MIER1: variants seen among roughly 807,000 people sequenced by gnomAD.
MIER1 encodes mesoderm induction early response protein 1.
MIER1 carries 40 observed loss-of-function variants against 75.7 expected under a neutral mutation model. The observed-to-expected ratio is 0.53, with a 90% CI of 0.41 to 0.69. The LOEUF is 0.69. Ranked by LOEUF, MIER1 falls within the 30% of genes least tolerant of loss-of-function variation. The pLI, the probability that MIER1 is intolerant of heterozygous loss-of-function variation, is 0.00. For missense variants in MIER1, 574 were observed against 680.2 expected (o/e 0.84, Z 1.74); for synonymous variants, 213 against 223.4 (o/e 0.95, Z 0.42).
At chr1:66,933,980 A>C (rs189356254) in intron 2 of MIER1, among the ~76,000 whole-genome samples, 77 of 152,310 alleles carry the variant, frequency 5.1e-4, no homozygotes, top group Non-Finnish European at 8.5e-4. Context: ...TTCAAAATTC[A>C]TTGCAGTGAT....
chr1:66,936,771 C>T (rs192409742), intron 2 of MIER1, among the ~76,000 whole-genome samples: 94 of 151,644 alleles, frequency 6.2e-4, no homozygotes, highest in African/African-American at 2.1e-3. Flanking sequence ...GAGGCTGAGG[C>T]GGACGGATCA....
chr1:66,930,338 G>A, intron 2 of MIER1: 2 of 1,604,580 alleles, frequency 1.2e-6, no homozygotes, highest in Middle Eastern at 1.7e-4. Context: ...TCCGGGTTCT[G>A]GCCGTGACCC....
At chr1:66,960,955 T>C (rs374063302) in intron 7 of MIER1, among the ~76,000 whole-genome samples, 1 of 152,304 alleles carries the variant, frequency 6.6e-6, no homozygotes, top group East Asian at 1.9e-4. Flanking sequence ...TGTTGTTTTT[T>C]AATCTGGAGT....
At chr1:66,925,738 C>CA (rs1651556812) in intron 1 of MIER1, among the ~76,000 whole-genome samples, 1 of 152,224 alleles carries the variant, frequency 6.6e-6, no homozygotes, top group Non-Finnish European at 1.5e-5. Flanking sequence ...GTGGTCCCTG[C>CA]ATGCTGTGTA....
chr1:66,927,180 T>C (rs1200239166), intron 2 of MIER1, among the ~76,000 whole-genome samples: 1 of 152,174 alleles, frequency 6.6e-6, no homozygotes, highest in Non-Finnish European at 1.5e-5. Context: ...TGCTTACAAA[T>C]GATTTATCAA....
At chr1:66,925,408 C>T in intron 1 of MIER1, 2 of 985,470 alleles carry the variant, frequency 2.0e-6, no homozygotes, top group Non-Finnish European at 1.2e-6. Context: ...CCGTTCGCTT[C>T]GGTCCCTGAT....
chr1:66,925,154 T>G, intron 1 of MIER1, 59 bp downstream of exon 1: 1 of 1,529,426 alleles, frequency 6.5e-7, no homozygotes, highest in East Asian at 2.5e-5. Context: ...GATGAGGGGC[T>G]CCTGAGGTGT....
chr1:66,932,525 A>C (rs1439967274), intron 2 of MIER1: 1 of 152,228 alleles, frequency 6.6e-6, no homozygotes, highest in South Asian at 2.1e-4. Flanking sequence ...CCTGGCCTCA[A>C]TACTTGAATA....
At chr1:66,927,529 T>C (rs944082924) in intron 2 of MIER1, among the ~76,000 whole-genome samples, 2 of 152,146 alleles carry the variant, frequency 1.3e-5, no homozygotes, top group African/African-American at 4.8e-5. Flanking sequence ...TCTTCTAGTA[T>C]GAATAGGCTT....
chr1:66,937,016 A>C (rs1478470574), intron 2 of MIER1, among the ~76,000 whole-genome samples: 1 of 151,318 alleles, frequency 6.6e-6, no homozygotes, highest in East Asian at 1.9e-4. Context: ...AAAAAAAAAA[A>C]AAAAGAGAAA....
intron 2 of MIER1, among the ~76,000 whole-genome samples, chr1:66,932,159 T>C (rs1653578583): frequency 6.6e-6 from 1 of 152,198 alleles, no homozygotes; most frequent in Admixed American, 6.5e-5. Flanking sequence ...GGTTGCGTTA[T>C]TGTAAGATAA....
At chr1:66,925,558 T>A in intron 1 of MIER1, 2 of 985,392 alleles carry the variant, frequency 2.0e-6, no homozygotes, top group Non-Finnish European at 2.4e-6. Context: ...TGGGCCAACT[T>A]GCCCTTTTCG....
rs868750934 is a variant in MIER1 at position 66,986,613 on chromosome 1, G to A, written c.*1713G>A. The A allele has an allele frequency of 2.1e-5, 14 of 678,290 alleles. No homozygotes were observed. In the Middle Eastern group the frequency reaches 1.0e-3, roughly 51 times the overall value. 42.0% of individuals were successfully genotyped at this position (678,290 alleles called of 1,614,324 possible). On this transcript the variant is annotated 3_prime_UTR_variant, in exon 14 of 14. Coordinates refer to ENST00000401041, the MANE Select transcript of MIER1 (RefSeq NM_001077700.3). The stretch of plus-strand genomic sequence containing the variant: ...GTTCGGACTGCTTCCCTTCACCAAT[G>A]TGAACAACTTTTTTTCCCAAACAGT...
intron 4 of MIER1, among the ~76,000 whole-genome samples, chr1:66,953,379 T>C (rs566364699): frequency 6.6e-6 from 1 of 152,154 alleles, no homozygotes; most frequent in African/African-American, 2.4e-5. Context: ...GCAAAATTGA[T>C]TCTGATTTTT....
intron 11 of MIER1, 87 bp downstream of exon 11, chr1:66,973,078 G>A (rs1024770173): frequency 1.3e-4 from 90 of 687,398 alleles, no homozygotes; most frequent in Middle Eastern, 1.0e-3. Context: ...ATATTGTCTA[G>A]TGTTAAAGGT....
chr1:66,926,753 C>G (rs948824562), intron 2 of MIER1, among the ~76,000 whole-genome samples: 1 of 152,080 alleles, frequency 6.6e-6, no homozygotes, highest in African/African-American at 2.4e-5. Context: ...TCAAAAGAGA[C>G]TCATGGACGC....
chr1:66,955,549 A>G (rs1659953869), intron 4 of MIER1, among the ~76,000 whole-genome samples: 1 of 152,032 alleles, frequency 6.6e-6, no homozygotes, highest in South Asian at 2.1e-4. Flanking sequence ...ACGAAGTACC[A>G]TGATCTTGTC....
chr1:66,968,980 TC>T (rs1663000159), intron 8 of MIER1, among the ~76,000 whole-genome samples: 1 of 152,190 alleles, frequency 6.6e-6, no homozygotes, highest in African/African-American at 2.4e-5. Flanking sequence ...ATAAGAACTT[TC>T]GTCTGCAGAG....
At chr1:66,983,782 C>T (rs1666359823) in intron 13 of MIER1, among the ~76,000 whole-genome samples, 1 of 152,172 alleles carries the variant, frequency 6.6e-6, no homozygotes, top group East Asian at 1.9e-4. Flanking sequence ...GGCTGGAATG[C>T]AGTGGCACAA....
Sources: gnomAD v4.1 joint callset for allele counts (sites outside exome capture counted in the v4.1 genomes callset) on GRCh38, gnomAD v4.1.1 for gene constraint, MANE v1.5 for transcripts, NCBI Gene and HGNC (gene_info 2026-07-23, HGNC 2026-07-21) for gene names.